DNAJC5B: variants seen among roughly 807,000 people sequenced by gnomAD.
DNAJC5B encodes dnaJ homolog subfamily C member 5B.
DNAJC5B carries 23 observed loss-of-function variants against 24.7 expected under a neutral mutation model. The ratio of observed to expected loss-of-function variants is 0.93; its 90% CI spans 0.67 to 1.32. The LOEUF is 1.32. DNAJC5B is among the 40% of genes most tolerant of loss of function. DNAJC5B has a pLI of 0.00. For missense variants in DNAJC5B, 238 were observed against 240.8 expected (o/e 0.99, Z 0.08); for synonymous variants, 101 against 90.1 (o/e 1.12, Z -0.68).
chr8:66,043,516 C>G lies in DNAJC5B; in HGVS notation c.-113C>G, dbSNP rs1322867736. The G allele has an allele frequency of 6.6e-6, 1 of 152,132 alleles. No homozygotes were observed. Among genetic ancestry groups the G allele is most frequent in the Non-Finnish European group, 1.5e-5 (1 of 68,028 alleles). 9.4% of individuals were successfully genotyped at this position (152,132 alleles called of 1,614,324 possible). A position where few individuals can be genotyped will look rare whatever the true frequency, so the allele number is the denominator to read the frequency against. ...GATAACCAATTGGCTGGCAAAGTAA[C>G]AAATGAAAAGTAACCTGACTCTATT... On this transcript the variant is annotated 5_prime_UTR_variant, in exon 2 of 6. Coordinates refer to ENST00000276570, the MANE Select transcript of DNAJC5B (RefSeq NM_033105.6).
At chr8:66,069,676 A>T (rs1377525673) in intron 3 of DNAJC5B, among the ~76,000 whole-genome samples, 3 of 152,266 alleles carry the variant, frequency 2.0e-5, no homozygotes, top group Non-Finnish European at 4.4e-5. Flanking sequence ...TCCAAACAAT[A>T]GAAAAAGAGG....
intron 1 of DNAJC5B, among the ~76,000 whole-genome samples, chr8:66,034,290 C>CA (rs1806431707): frequency 6.6e-6 from 1 of 151,294 alleles, no homozygotes; most frequent in African/African-American, 2.4e-5. Context: ...CTTACTGGGA[C>CA]ACACAGAGGG....
chr8:66,085,301 A>G (rs1315794686), intron 5 of DNAJC5B, among the ~76,000 whole-genome samples: 2 of 152,062 alleles, frequency 1.3e-5, no homozygotes, highest in Non-Finnish European at 2.9e-5. Context: ...TTAGCTGGGC[A>G]TGGTGGCAGG....
chr8:66,098,004 C>G (rs1020565931), intron 5 of DNAJC5B, among the ~76,000 whole-genome samples: 3 of 151,872 alleles, frequency 2.0e-5, no homozygotes, highest in African/African-American at 7.3e-5. Flanking sequence ...CACCTGCCAC[C>G]AGGCCTGGCT....
chr8:66,085,533 A>G (rs1308659048), intron 5 of DNAJC5B, among the ~76,000 whole-genome samples: 1 of 152,108 alleles, frequency 6.6e-6, no homozygotes, highest in Non-Finnish European at 1.5e-5. Context: ...AGATTGCACC[A>G]CTGCACTCTA....
At chr8:66,059,304 A>G (rs1041350860) in intron 3 of DNAJC5B, among the ~76,000 whole-genome samples, 28 of 152,248 alleles carry the variant, frequency 1.8e-4, no homozygotes, top group African/African-American at 6.0e-4. Flanking sequence ...TCCCCTTATC[A>G]TGCTGTCTGA....
chr8:66,023,081 G>A lies in DNAJC5B; in HGVS notation c.-142+1376G>A, dbSNP rs950291221. On this transcript the variant is annotated intron_variant, in intron 1 of 5. Transcript: ENST00000276570. ...TACTGCAGAATTTTAGAGTCGGAGG[G>A]GAACTAGAAGATCATCCATTCCACA... 2.4e-4 allele frequency among the ~76,000 whole-genome samples: 37 copies of A among 152,184 alleles called. 1 individual carries two copies. Among genetic ancestry groups the A allele is most frequent in the African/African-American group, 8.4e-4 (35 of 41,430 alleles).
In DNAJC5B at chr8:66,080,549, G is replaced by T; in HGVS notation, c.505+1G>T. 1 of 1,602,942 alleles carries T rather than the reference G, an allele frequency of 6.2e-7. No homozygotes were observed. The highest frequency in any genetic ancestry group is 8.5e-7 in the Non-Finnish European group (1 of 1,174,462). ...CAGATCAAGTCTGACATGGAAAAAGGTGGGGTAGGATGAGAGCAGAGGTAG... is the reference window on the plus strand; with the variant it reads ...CAGATCAAGTCTGACATGGAAAAAGTTGGGGTAGGATGAGAGCAGAGGTAG... On this transcript the variant is annotated splice_donor_variant, in intron 5 of 5. Transcript: ENST00000276570. LOFTEE classifies it high-confidence loss of function.
chr8:66,099,444 T>A (rs1208080608), intron 5 of DNAJC5B, among the ~76,000 whole-genome samples: 1 of 152,214 alleles, frequency 6.6e-6, no homozygotes, highest in Non-Finnish European at 1.5e-5. Context: ...TATTAGACTC[T>A]CCCTCTAAGC....
rs181463638 is a variant in DNAJC5B, at chr8:66,071,260, G to A, written c.120-5400G>A. Among the ~76,000 whole-genome samples, 301 of 152,250 alleles carry A rather than the reference G, an allele frequency of 2.0e-3. 4 individuals are homozygous for A. Among genetic ancestry groups the A allele is most frequent in the Non-Finnish European group, 4.1e-4 (28 of 68,026 alleles). On this transcript the variant is annotated intron_variant, in intron 3 of 5. Coordinates refer to ENST00000276570, the MANE Select transcript of DNAJC5B (RefSeq NM_033105.6). ...AAGAAACTAGCATCAGAGTGAACAG[G>A]CAACCTACAGAATGGGAGAAAATTT...
intron 2 of DNAJC5B, among the ~76,000 whole-genome samples, chr8:66,048,378 G>A (rs1806770922): frequency 6.6e-6 from 1 of 152,198 alleles, no homozygotes; most frequent in South Asian, 2.1e-4. Context: ...TTTCTTCGTA[G>A]GAAAATGTTG....
chr8:66,040,206 A>G (rs7832776), intron 1 of DNAJC5B, among the ~76,000 whole-genome samples: 76,872 of 151,906 alleles, frequency 0.51, 23,343 homozygotes, highest in African/African-American at 0.86. Context: ...CCTGGCCAAC[A>G]TGGTGAAACC....
intron 2 of DNAJC5B, among the ~76,000 whole-genome samples, chr8:66,049,587 C>T (rs1162396860): frequency 1.3e-5 from 2 of 152,204 alleles, no homozygotes; most frequent in Non-Finnish European, 1.5e-5. Context: ...TGTGTAAATA[C>T]ACTCTGTGAT....
Position 66,068,879 on chromosome 8 carries a change from T to TA in DNAJC5B, c.120-7780dup, listed in dbSNP as rs1217158400. Among the ~76,000 whole-genome samples the TA allele has an allele frequency of 2.0e-5, 3 of 152,218 alleles. No homozygotes were observed. In the East Asian group the frequency reaches 5.8e-4, roughly 29 times the overall value. On this transcript the variant is annotated intron_variant, in intron 3 of 5. Transcript: ENST00000276570. ...ACTTTTAAAGCACAACAATTAGACT[T>TA]ACAGCTGATTTTCCAACCAAGGTAA...
At chr8:66,096,695 C>T (rs865781983) in intron 5 of DNAJC5B, among the ~76,000 whole-genome samples, 1 of 152,088 alleles carries the variant, frequency 6.6e-6, no homozygotes, top group African/African-American at 2.4e-5. Flanking sequence ...TAGCTTTCTT[C>T]CCACTAGTGT....
Position 66,101,133 on chromosome 8 carries a change from T to C in DNAJC5B, c.*1102T>C, listed in dbSNP as rs1808064988. On this transcript the variant is annotated 3_prime_UTR_variant, in exon 6 of 6. Coordinates refer to ENST00000276570, the MANE Select transcript of DNAJC5B (RefSeq NM_033105.6). ...TATAAAATGCCTTTATCTTTTTTCTTGTTTCTTATTCCCACCCAAAAAATT... is the reference window on the plus strand; with the variant it reads ...TATAAAATGCCTTTATCTTTTTTCTCGTTTCTTATTCCCACCCAAAAAATT... Among the ~76,000 whole-genome samples, 1 of 152,224 alleles carries C rather than the reference T, an allele frequency of 6.6e-6. No homozygotes were observed. Among genetic ancestry groups the C allele is most frequent in the South Asian group, 2.1e-4 (1 of 4,836 alleles).
Position 66,035,651 on chromosome 8 carries a change from C to T in DNAJC5B, c.-141-7837C>T, listed in dbSNP as rs564550393. On this transcript the variant is annotated intron_variant, in intron 1 of 5. Coordinates refer to ENST00000276570, the MANE Select transcript of DNAJC5B (RefSeq NM_033105.6). ...CTCAGAGCTCCAGAAACAACCAACC[C>T]TGCAGACACCTTGACTTCTGACTTC... Among the ~76,000 whole-genome samples, 5 of 152,286 alleles carry T rather than the reference C, an allele frequency of 3.3e-5. No individual in the cohort carries two copies. The East Asian group carries it at 9.7e-4, about 29-fold the overall frequency.
chr8:66,085,219 C>T (rs940938596), intron 5 of DNAJC5B, among the ~76,000 whole-genome samples: 2 of 152,112 alleles, frequency 1.3e-5, no homozygotes, highest in Non-Finnish European at 2.9e-5. Context: ...GCTGGTGGAT[C>T]GCTTGAGGCC....
At chr8:66,047,868 T>C (rs1806757028) in intron 2 of DNAJC5B, among the ~76,000 whole-genome samples, 1 of 152,198 alleles carries the variant, frequency 6.6e-6, no homozygotes, top group South Asian at 2.1e-4. Context: ...GGAGTAAATG[T>C]AGCCTTCCTG....
Sources: gnomAD v4.1 joint callset for allele counts (sites outside exome capture counted in the v4.1 genomes callset) on GRCh38, gnomAD v4.1.1 for gene constraint, MANE v1.5 for transcripts, NCBI Gene and HGNC (gene_info 2026-07-23, HGNC 2026-07-21) for gene names.